The following PRR27 variants were observed in gnomAD, a reference collection of about 807,000 sequenced individuals.
PRR27 encodes the protein proline-rich protein 27.
A neutral mutation model predicts 16.8 loss-of-function variants in PRR27; 12 were observed. The ratio of observed to expected loss-of-function variants is 0.71; its 90% CI spans 0.46 to 1.16. PRR27 has a LOEUF of 1.16. Ranked by LOEUF, PRR27 falls within the 50% of genes most tolerant of loss-of-function variation. PRR27 has a pLI of 0.00. For synonymous variants in PRR27, 100 were observed against 98.4 expected (o/e 1.02, Z -0.10); for missense variants, 277 against 273.3 (o/e 1.01, Z -0.10).
At chr4:70,160,931 C>A (rs1728630598) in intron 3 of PRR27, among the ~76,000 whole-genome samples, 1 of 151,782 alleles carries the variant, frequency 6.6e-6, no homozygotes, top group Non-Finnish European at 1.5e-5. Context: ...AGCACATTGC[C>A]ACCACTTGGA....
At position 70,164,872 on chromosome 4, in the gene PRR27, A is replaced by C. The variant is rs1453809640; in HGVS notation, c.*2211A>C. The C allele has an allele frequency of 1.3e-5, 2 of 152,104 alleles. No homozygotes were observed. Among genetic ancestry groups the C allele is most frequent in the African/African-American group, 4.8e-5 (2 of 41,436 alleles). The allele number at this position is 152,104 out of a possible 1,614,324, so 9.4% of individuals were successfully genotyped here. ...CATTTGTTAAGTTTTTCATGGGGTA[A>C]AAGAAAGAATTTATTCCAAGAAAAT... On this transcript the variant is annotated 3_prime_UTR_variant, in exon 5 of 5. Coordinates refer to ENST00000344526, the MANE Select transcript of PRR27 (RefSeq NM_214711.4).
rs1364238316 is a variant in PRR27, at chr4:70,164,355, A to AT, written c.*1699dup. 2 of 152,122 alleles carry AT rather than the reference A, an allele frequency of 1.3e-5. No homozygotes were observed. The highest frequency in any genetic ancestry group is 2.9e-5 in the Non-Finnish European group (2 of 68,004). The allele number at this position is 152,122 out of a possible 1,614,324, so 9.4% of individuals were successfully genotyped here. On this transcript the variant is annotated 3_prime_UTR_variant, in exon 5 of 5. Coordinates refer to ENST00000344526, the MANE Select transcript of PRR27 (RefSeq NM_214711.4). Reference sequence around the variant, plus strand: ...AAAAATTTTTACAAACATTCAACATATTTTTATTTTGAAATAATTTTGTAT... The same window carrying AT: ...AAAAATTTTTACAAACATTCAACATATTTTTTATTTTGAAATAATTTTGTAT...
intron 2 of PRR27, 56 bp from the exon 3 acceptor site, chr4:70,158,272 G>C: frequency 5.7e-6 from 6 of 1,049,720 alleles, no homozygotes; most frequent in Non-Finnish European, 8.4e-6. Flanking sequence ...TGTACCATAA[G>C]TAATATATAG....
At position 70,158,866 on chromosome 4, in the gene PRR27, C is replaced by A. The variant is rs942198777; in HGVS notation, c.614C>A (p.Ala205Asp). 6 of 1,613,886 alleles carry A rather than the reference C, an allele frequency of 3.7e-6. No homozygotes were observed. The Admixed American group carries it at 8.3e-5, about 22-fold the overall frequency. ...PAEPATAKPA[A>D]PEPHPSPSLE... Reference sequence around the variant, plus strand: ...GAGCCTGCTACAGCCAAGCCTGCTGCCCCAGAACCTCACCCTTCTCCCTCT... The same window carrying A: ...GAGCCTGCTACAGCCAAGCCTGCTGACCCAGAACCTCACCCTTCTCCCTCT... The change falls in exon 3 of 5, where the codon GCC becomes GAC. Residue 205 changes from alanine (A) to aspartate (D), a missense_variant. Physicochemically the swap from Ala to Asp is moderately radical, Grantham distance 126. Transcript: ENST00000344526.
At chr4:70,161,303 C>G (rs1728645159) in intron 3 of PRR27, among the ~76,000 whole-genome samples, 1 of 148,966 alleles carries the variant, frequency 6.7e-6, no homozygotes, top group African/African-American at 2.5e-5. Context: ...GAAATAGAAC[C>G]TGATAAGAAG....
At chr4:70,154,611 G>A in intron 1 of PRR27, 185 bp downstream of exon 1, 3 of 828,420 alleles carry the variant, frequency 3.6e-6, no homozygotes, top group Non-Finnish European at 3.8e-6. Flanking sequence ...TAATAAAGTT[G>A]TAGTATCTGA....
Position 70,158,438 on chromosome 4 carries a change from C to T in PRR27, c.186C>T (p.Tyr62=), listed in dbSNP as rs372651799. Residue 62 remains tyrosine (Y), a synonymous_variant, in exon 3 of 5, where the codon TAC becomes TAT. Coordinates refer to ENST00000344526, the MANE Select transcript of PRR27 (RefSeq NM_214711.4). ...GCCCAGTGAATACAGTCCCCAGTTACCCTGGGAATACTTACACTGACACAG... is the reference window on the plus strand; with the variant it reads ...GCCCAGTGAATACAGTCCCCAGTTATCCTGGGAATACTTACACTGACACAG... The part of the protein sequence containing the change: ...YYRPVNTVPS[Y]PGNTYTDTGL... 1.9e-6 allele frequency: 3 copies of T among 1,613,340 alleles called. No individual in the cohort carries two copies. The African/African-American group carries it at 4.0e-5, about 22-fold the overall frequency.
intron 3 of PRR27, among the ~76,000 whole-genome samples, chr4:70,161,054 C>A (rs1447363147): frequency 1.3e-5 from 2 of 150,704 alleles, no homozygotes; most frequent in Non-Finnish European, 2.9e-5. Flanking sequence ...GTATGATGAG[C>A]CAGGCTTGTT....
intron 1 of PRR27, 78 bp downstream of exon 1, chr4:70,154,504 A>T: frequency 8.7e-7 from 1 of 1,151,564 alleles, no homozygotes; most frequent in Admixed American, 1.7e-5. Context: ...TGCTTATGAT[A>T]AAGTACTATA....
At chr4:70,161,154 C>CTG (rs1560470520) in intron 3 of PRR27, among the ~76,000 whole-genome samples, 9 of 8,670 alleles carry the variant, frequency 1.0e-3, no homozygotes, top group Non-Finnish European at 1.4e-3. Context: ...ATTATGAACA[C>CTG]TGTATATATA....
At position 70,166,505 on chromosome 4, in the gene PRR27, T is replaced by G. The variant is rs977838126; in HGVS notation, c.*3844T>G. 2.6e-5 allele frequency: 4 copies of G among 152,056 alleles called. No homozygotes were observed. Among genetic ancestry groups the G allele is most frequent in the Non-Finnish European group, 4.4e-5 (3 of 67,946 alleles). 9.4% of individuals were successfully genotyped at this position (152,056 alleles called of 1,614,324 possible). On this transcript the variant is annotated 3_prime_UTR_variant, in exon 5 of 5. Transcript: ENST00000344526. ...CTACATATGTCGATAAGTTACAAAA[T>G]CCATATATGAGTATGACACCAATAA...
intron 3 of PRR27, among the ~76,000 whole-genome samples, chr4:70,160,414 T>TCTCTCTCG (rs1430801967): frequency 2.4e-5 from 2 of 82,274 alleles, no homozygotes; most frequent in Non-Finnish European, 4.4e-5. Context: ...GGACTTTCTC[T>TCTCTCTCG]CTCTCTCTCT....
chr4:70,164,591 A>T lies in PRR27; in HGVS notation c.*1930A>T, dbSNP rs1036093498. On this transcript the variant is annotated 3_prime_UTR_variant, in exon 5 of 5. Coordinates refer to ENST00000344526, the MANE Select transcript of PRR27 (RefSeq NM_214711.4). The stretch of plus-strand genomic sequence containing the variant: ...GTATCTGTCTTTCACAGATACATGC[A>T]ATATTCACTTCTAAATATTTAATGA... The T allele has an allele frequency of 1.3e-5, 2 of 152,182 alleles. No homozygotes were observed. Among genetic ancestry groups the T allele is most frequent in the Admixed American group, 6.5e-5 (1 of 15,280 alleles). The allele number at this position is 152,182 out of a possible 1,614,324, so 9.4% of individuals were successfully genotyped here.
chr4:70,166,080 A>G lies in PRR27; in HGVS notation c.*3419A>G, dbSNP rs958927511. On this transcript the variant is annotated 3_prime_UTR_variant, in exon 5 of 5. Transcript: ENST00000344526. ...TGTATATAAACAAGACATATAATAA[A>G]TGGTATGTCATTTCACAATTTACTA... The G allele has an allele frequency of 1.3e-5, 2 of 152,094 alleles. No individual in the cohort carries two copies. Among genetic ancestry groups the G allele is most frequent in the Non-Finnish European group, 2.9e-5 (2 of 67,954 alleles). The allele number at this position is 152,094 out of a possible 1,614,324, so 9.4% of individuals were successfully genotyped here.
Position 70,158,906 on chromosome 4 carries a change from T to A in PRR27, c.648+6T>A. On this transcript the variant is annotated splice_donor_region_variant and intron_variant, in intron 3 of 4. Coordinates refer to ENST00000344526, the MANE Select transcript of PRR27 (RefSeq NM_214711.4). ...CTTCTCCCTCTCTTGAACAGGTAGG[T>A]TGTTTATATCTTACCACTATAATGT... is the stretch of plus-strand genomic sequence containing the variant. 5.6e-6 allele frequency: 9 copies of A among 1,611,372 alleles called. No individual in the cohort carries two copies. The highest frequency in any genetic ancestry group is 7.6e-6 in the Non-Finnish European group (9 of 1,178,336).
intron 1 of PRR27, among the ~76,000 whole-genome samples, chr4:70,155,414 G>A: frequency 6.6e-6 from 1 of 151,362 alleles, no homozygotes; most frequent in South Asian, 2.1e-4. Flanking sequence ...AGCCAGGCTG[G>A]AGTGCAGTGG....
chr4:70,161,179 T>TATATATATATATATATACAC (rs527588905), intron 3 of PRR27, among the ~76,000 whole-genome samples: 1 of 107,702 alleles, frequency 9.3e-6, no homozygotes, highest in African/African-American at 3.5e-5. Context: ...TATATATATA[T>TATATATATATATATATACAC]ACACACATAC....
chr4:70,155,980 C>T (rs1728466940), intron 1 of PRR27, 74 bp from the exon 2 acceptor site: 1 of 944,776 alleles, frequency 1.1e-6, no homozygotes, highest in Non-Finnish European at 1.6e-6. Flanking sequence ...GCAAATTTTT[C>T]AGCAATATGG....
In PRR27 at chr4:70,162,854, TAAATA is replaced by T. The variant is rs1207394916; in HGVS notation, c.*199_*203del. The T allele has an allele frequency of 2.0e-5, 3 of 152,160 alleles. No homozygotes were observed. The highest frequency in any genetic ancestry group is 7.2e-5 in the African/African-American group (3 of 41,434). 9.4% of individuals were successfully genotyped at this position (152,160 alleles called of 1,614,324 possible). ...TATTGAAAAAACATTGATAATTAAA[TAAATA>T]AAATAGATAATTTAGACCAATGGTG... On this transcript the variant is annotated 3_prime_UTR_variant, in exon 5 of 5. Transcript: ENST00000344526.
Sources: gnomAD v4.1 joint callset for allele counts (sites outside exome capture counted in the v4.1 genomes callset) on GRCh38, gnomAD v4.1.1 for gene constraint, MANE v1.5 for transcripts, NCBI Gene and HGNC (gene_info 2026-07-23, HGNC 2026-07-21) for gene names.